The following PCDHA6 variants were observed in gnomAD, a reference collection of about 807,000 sequenced individuals.
The protein encoded by PCDHA6 is protocadherin alpha-6.
A neutral mutation model predicts 60.3 loss-of-function variants in PCDHA6; 55 were observed. The ratio of observed to expected loss-of-function variants is 0.91; its 90% confidence interval spans 0.73 to 1.14. The LOEUF (loss-of-function observed/expected upper bound fraction) is 1.14, where lower values mean the gene tolerates loss of function less well. Ranked by LOEUF, PCDHA6 falls within the 50% of genes most tolerant of loss-of-function variation. The pLI is 0.00. For synonymous variants in PCDHA6, 652 were observed against 557.9 expected (o/e 1.17, Z -2.38); for missense variants, 1,327 against 1,256.5 (o/e 1.06, Z -0.85).
At chr5:140,842,048 G>A (rs2150328015) in intron 1 of PCDHA6, 1 of 1,613,798 alleles carries the variant, frequency 6.2e-7, no homozygotes. Context: ...TCCCACTTTC[G>A]AACAGTCTGA....
intron 1 of PCDHA6, among the ~76,000 whole-genome samples, chr5:140,923,142 TA>T (rs1262526439): frequency 5.3e-5 from 8 of 152,122 alleles, no homozygotes; most frequent in East Asian, 3.9e-4. Context: ...AGGTGGAATA[TA>T]AAAAAAATTA....
intron 1 of PCDHA6, chr5:140,881,499 C>A: frequency 3.8e-6 from 1 of 261,884 alleles, no homozygotes; most frequent in Non-Finnish European, 5.9e-6. Context: ...TGCACATACA[C>A]ACACTCACAT....
At chr5:140,971,732 T>C (rs1554233582) in intron 1 of PCDHA6, among the ~76,000 whole-genome samples, 2 of 151,638 alleles carry the variant, frequency 1.3e-5, no homozygotes, top group African/African-American at 4.8e-5. Flanking sequence ...ATCATACATA[T>C]ACACATACAT....
At position 140,857,927 on chromosome 5, in the gene PCDHA6, A is replaced by C. The variant is rs1554150876; in HGVS notation, c.2394+27442A>C. ...CATCCCGTTTCGCGTGGGGCTGTAC[A>C]CGGGCGAGATCAGTACGACGCGCGC... On this transcript the variant is annotated intron_variant, in intron 1 of 3. Transcript: ENST00000529310. The C allele has an allele frequency of 1.9e-6, 3 of 1,597,510 alleles. 1 individual carries two copies. Among genetic ancestry groups the C allele is most frequent in the Non-Finnish European group, 2.6e-6 (3 of 1,167,484 alleles).
rs573633705 is a variant in PCDHA6, at chr5:140,978,668, C to T, written c.2395-281C>T. ...TGTTCTTCCCGTAGTGTTTTAAGAACACAGACATGTATTGGGCAAGGCAAA... is the reference window on the plus strand; with the variant it reads ...TGTTCTTCCCGTAGTGTTTTAAGAATACAGACATGTATTGGGCAAGGCAAA... On this transcript the variant is annotated intron_variant, in intron 1 of 3. Coordinates refer to ENST00000529310, the MANE Select transcript of PCDHA6 (RefSeq NM_018909.4). 4.6e-5 allele frequency among the ~76,000 whole-genome samples: 7 copies of T among 152,362 alleles called. No homozygotes were observed. The East Asian group carries it at 1.3e-3, about 29-fold the overall frequency.
intron 1 of PCDHA6, among the ~76,000 whole-genome samples, chr5:140,898,780 C>A (rs1424563314): frequency 3.9e-5 from 6 of 152,106 alleles, no homozygotes; most frequent in African/African-American, 1.2e-4. Flanking sequence ...TTACCTTGGG[C>A]AGTATGGCCA....
chr5:140,998,805 C>T (rs1226450562), intron 3 of PCDHA6, among the ~76,000 whole-genome samples: 1 of 152,204 alleles, frequency 6.6e-6, no homozygotes, highest in Admixed American at 6.5e-5. Flanking sequence ...CTCAGGTGAT[C>T]TGCCTGCCTT....
chr5:140,930,594 A>G (rs1554207944), intron 1 of PCDHA6: 2 of 152,716 alleles, frequency 1.3e-5, no homozygotes, highest in East Asian at 3.9e-4. Flanking sequence ...GACTTCTCAT[A>G]GAAATCCTAG....
At chr5:140,928,489 C>A in intron 1 of PCDHA6, 1 of 1,614,152 alleles carries the variant, frequency 6.2e-7, no homozygotes. Context: ...TGGTGGCATT[C>A]CTCCCAGAAG....
At chr5:140,997,993 C>T (rs1356544638) in intron 3 of PCDHA6, among the ~76,000 whole-genome samples, 1 of 152,082 alleles carries the variant, frequency 6.6e-6, no homozygotes, top group Non-Finnish European at 1.5e-5. Flanking sequence ...TACATACTTC[C>T]CTCTGAGCCT....
At chr5:140,848,341 T>C (rs1175376105) in intron 1 of PCDHA6, 6 of 896,220 alleles carry the variant, frequency 6.7e-6, no homozygotes, top group Non-Finnish European at 1.0e-5. Context: ...TCCAGACAAA[T>C]ACAGCCCTTT....
intron 3 of PCDHA6, among the ~76,000 whole-genome samples, chr5:140,994,309 C>T (rs924119174): frequency 1.3e-5 from 2 of 152,072 alleles, no homozygotes; most frequent in African/African-American, 4.8e-5. Context: ...TTCACAGGGC[C>T]CAAACACTCT....
rs1554181482 is a variant in PCDHA6, at chr5:140,884,371, C to G, written c.2394+53886C>G. The stretch of plus-strand genomic sequence containing the variant: ...TGGTGGATGTCAATGTTTACTTGAT[C>G]ATTGCCATCTGCGCGGTGTCCAGCC... On this transcript the variant is annotated intron_variant, in intron 1 of 3. Coordinates refer to ENST00000529310, the MANE Select transcript of PCDHA6 (RefSeq NM_018909.4). 2 of 1,613,948 alleles carry G rather than the reference C, an allele frequency of 1.2e-6. No homozygotes were observed. Among genetic ancestry groups the G allele is most frequent in the African/African-American group, 2.7e-5 (2 of 75,052 alleles).
intron 3 of PCDHA6, among the ~76,000 whole-genome samples, chr5:140,987,422 G>A (rs1554249178): frequency 6.6e-6 from 1 of 152,152 alleles, no homozygotes; most frequent in Non-Finnish European, 1.5e-5. Flanking sequence ...CTTGTGAGAA[G>A]CAGGGGGCCT....
chr5:140,871,525 A>T, intron 1 of PCDHA6: 1 of 1,546,090 alleles, frequency 6.5e-7, no homozygotes, highest in Non-Finnish European at 8.7e-7. Flanking sequence ...ACCTATCAGG[A>T]AGTGTATGTG....
At chr5:140,875,667 G>A (rs376967983) in intron 1 of PCDHA6, 10 of 1,613,820 alleles carry the variant, frequency 6.2e-6, no homozygotes, top group East Asian at 4.5e-5. Flanking sequence ...GCCTGTTCCG[G>A]GTGGCGTCCA....
At chr5:140,940,934 G>A (rs155815) in intron 1 of PCDHA6, among the ~76,000 whole-genome samples, 48,303 of 152,082 alleles carry the variant, frequency 0.32, 8,018 homozygotes, top group East Asian at 0.53. Flanking sequence ...TGGCTACTTA[G>A]ACTACGTATT....
intron 3 of PCDHA6, among the ~76,000 whole-genome samples, chr5:140,989,765 C>G (rs2097359812): frequency 6.6e-6 from 1 of 152,286 alleles, no homozygotes. Context: ...ATATTCAGTT[C>G]AAGCACTGGC....
intron 1 of PCDHA6, chr5:140,836,768 A>G: frequency 9.0e-6 from 14 of 1,555,112 alleles, no homozygotes; most frequent in Non-Finnish European, 1.2e-5. Flanking sequence ...GTTTCCAACA[A>G]TTTTAAAACA....
Sources: allele counts gnomAD v4.1 joint callset (sites outside exome capture counted in the v4.1 genomes callset), GRCh38; gene constraint gnomAD v4.1.1; transcripts MANE v1.5; gene names NCBI Gene and HGNC (gene_info 2026-07-23, HGNC 2026-07-21).